Variants in CRACDL observed in about 807,000 individuals in gnomAD.
CRACDL encodes CRACD-like protein.
A neutral mutation model predicts 70.6 loss-of-function variants in CRACDL; 26 were observed. The observed-to-expected ratio is 0.37, with a 90% CI of 0.27 to 0.51. The LOEUF (loss-of-function observed/expected upper bound fraction) is 0.51. Among genes scored for constraint, CRACDL ranks in the 20% least tolerant of loss-of-function variants. CRACDL has a pLI of 0.94. For missense variants in CRACDL, 1,283 were observed against 1,376.9 expected, an observed-to-expected ratio of 0.93 and a Z score of 1.08; for synonymous variants, 618 against 615.2, an observed-to-expected ratio of 1.00 and a Z score of -0.07.
chr2:98,889,356 A>G (rs1458597250), intron 1 of CRACDL, among the ~76,000 whole-genome samples: 1 of 150,292 alleles, frequency 6.7e-6, no homozygotes, highest in East Asian at 2.0e-4. Context: ...AACAGTAACC[A>G]AAACAGAGCT....
chr2:98,902,071 G>C (rs1276174610), intron 1 of CRACDL, among the ~76,000 whole-genome samples: 1 of 152,080 alleles, frequency 6.6e-6, no homozygotes, highest in African/African-American at 2.4e-5. Flanking sequence ...AAGTTCCAAA[G>C]GTCTACAAAG....
intron 7 of CRACDL, among the ~76,000 whole-genome samples, chr2:98,813,613 A>T (rs1394598812): frequency 6.6e-6 from 1 of 152,226 alleles, no homozygotes; most frequent in South Asian, 2.1e-4. Context: ...AATGAAAACT[A>T]TAAAAATTTT....
rs944642089 is a variant in CRACDL, at chr2:98,810,744, G to A, written c.2416+11113C>T. Reference sequence around the variant, plus strand: ...AAAGTTGTCTATTAAAAGTGCACATGATCTGAGAACCTGAAAATCCACTTT... The same window carrying A: ...AAAGTTGTCTATTAAAAGTGCACATAATCTGAGAACCTGAAAATCCACTTT... On this transcript the variant is annotated intron_variant, in intron 7 of 9. Coordinates refer to ENST00000397899, the MANE Select transcript of CRACDL (RefSeq NM_207362.3). Among the ~76,000 whole-genome samples, 3 of 152,282 alleles carry A rather than the reference G, an allele frequency of 2.0e-5. No individual in the cohort carries two copies. In the East Asian group the frequency reaches 5.8e-4, roughly 29 times the overall value.
At chr2:98,842,959 T>C (rs777328870) in intron 2 of CRACDL, among the ~76,000 whole-genome samples, 1 of 151,706 alleles carries the variant, frequency 6.6e-6, no homozygotes, top group Non-Finnish European at 1.5e-5. Context: ...TGCTGAGTCA[T>C]AGGCTAAGTG....
intron 7 of CRACDL, among the ~76,000 whole-genome samples, chr2:98,806,608 C>T (rs775515277): frequency 1.3e-5 from 2 of 152,222 alleles, no homozygotes; most frequent in African/African-American, 4.8e-5. Flanking sequence ...GCTAGCCTCT[C>T]GGCAGGAGGC....
chr2:98,832,747 T>C (rs1301256232), intron 4 of CRACDL, 115 bp downstream of exon 4: 2 of 1,347,858 alleles, frequency 1.5e-6, no homozygotes, highest in Non-Finnish European at 1.1e-6. Flanking sequence ...GGAGCTGTCA[T>C]GTACATGTGA....
chr2:98,900,383 G>A (rs1215994657), intron 1 of CRACDL, among the ~76,000 whole-genome samples: 1 of 147,358 alleles, frequency 6.8e-6, no homozygotes, highest in African/African-American at 2.5e-5. Flanking sequence ...GGGAGGCAGG[G>A]GGATGGAGGC....
intron 1 of CRACDL, among the ~76,000 whole-genome samples, chr2:98,865,823 G>A (rs967581695): frequency 2.1e-5 from 3 of 144,492 alleles, no homozygotes; most frequent in African/African-American, 2.6e-5. Context: ...TTTTTGAGAC[G>A]GAGTTTCGCT....
At chr2:98,803,889 T>C (rs538892274) in intron 7 of CRACDL, among the ~76,000 whole-genome samples, 1 of 152,264 alleles carries the variant, frequency 6.6e-6, no homozygotes, top group Admixed American at 6.5e-5. Flanking sequence ...GGGACCTGTC[T>C]ACAGACACTA....
intron 2 of CRACDL, among the ~76,000 whole-genome samples, chr2:98,845,828 T>C (rs1706233010): frequency 6.6e-6 from 1 of 152,218 alleles, no homozygotes; most frequent in African/African-American, 2.4e-5. Flanking sequence ...TATATTTGGA[T>C]TTATTTGGTA....
chr2:98,856,602 G>T (rs879464183), intron 1 of CRACDL, among the ~76,000 whole-genome samples: 13 of 152,020 alleles, frequency 8.6e-5, no homozygotes, highest in Admixed American at 3.3e-4. Flanking sequence ...TTTTATAGCT[G>T]ATTCAAAAAG....
At chr2:98,814,309 T>C (rs1189826193) in intron 7 of CRACDL, among the ~76,000 whole-genome samples, 1 of 152,204 alleles carries the variant, frequency 6.6e-6, no homozygotes, top group Non-Finnish European at 1.5e-5. Flanking sequence ...TGAGTTTCCC[T>C]AAGTACCAGT....
chr2:98,922,254 T>C (rs1032447686), intron 1 of CRACDL, among the ~76,000 whole-genome samples: 3 of 151,474 alleles, frequency 2.0e-5, no homozygotes, highest in African/African-American at 4.8e-5. Flanking sequence ...ACCAACATGG[T>C]GAAGCCCCGT....
chr2:98,796,071 C>G (rs374221204), intron 9 of CRACDL, 49 bp downstream of exon 9: 324 of 1,585,058 alleles, frequency 2.0e-4, no homozygotes, highest in Non-Finnish European at 2.6e-4. Flanking sequence ...GCAGGAACGA[C>G]CCAGGAAAAT....
intron 7 of CRACDL, among the ~76,000 whole-genome samples, chr2:98,802,965 A>T (rs1240769044): frequency 6.7e-6 from 1 of 149,502 alleles, no homozygotes; most frequent in African/African-American, 2.5e-5. Context: ...CCTCCTGAGT[A>T]GCTGGAATTA....
intron 8 of CRACDL, 137 bp from the exon 9 acceptor site, chr2:98,796,401 T>C (rs1447973853): frequency 1.8e-5 from 14 of 796,910 alleles, no homozygotes; most frequent in Non-Finnish European, 2.6e-5. Flanking sequence ...GGCGCCCTGG[T>C]GTCAGCTCAC....
intron 1 of CRACDL, among the ~76,000 whole-genome samples, chr2:98,926,316 T>C (rs1209686299): frequency 6.6e-6 from 1 of 152,102 alleles, no homozygotes. Context: ...CATAAGCCAC[T>C]GTACCCTCCC....
At chr2:98,797,290 C>T (rs575486933) in intron 8 of CRACDL, 60 bp downstream of exon 8, 2 of 1,539,046 alleles carry the variant, frequency 1.3e-6, no homozygotes, top group African/African-American at 1.4e-5. Context: ...GGTCCTCGCC[C>T]CAGTCCCAGC....
chr2:98,855,648 G>A (rs1350525821), intron 1 of CRACDL, among the ~76,000 whole-genome samples: 1 of 152,126 alleles, frequency 6.6e-6, no homozygotes, highest in Non-Finnish European at 1.5e-5. Context: ...GCCTTTAAGA[G>A]GGCACAGGTG....
Sources: allele counts gnomAD v4.1 joint callset (sites outside exome capture counted in the v4.1 genomes callset), GRCh38; gene constraint gnomAD v4.1.1; transcripts MANE v1.5; gene names NCBI Gene and HGNC (gene_info 2026-07-23, HGNC 2026-07-21).